The following SLC38A1 variants were observed in gnomAD, a reference collection of about 807,000 sequenced individuals.
SLC38A1 encodes solute carrier family 38 member 1.
Under a neutral mutation model 60.3 loss-of-function variants are expected in SLC38A1, and 18 were observed. The observed-to-expected ratio is 0.30, with a 90% confidence interval of 0.21 to 0.44. The LOEUF is 0.44. Among genes scored for constraint, SLC38A1 ranks in the 20% least tolerant of loss-of-function variants. The pLI is 1.00. For synonymous variants in SLC38A1, 196 were observed against 212.1 expected, an observed-to-expected ratio of 0.92 and a Z score of 0.66; for missense variants, 448 against 587.2, an observed-to-expected ratio of 0.76 and a Z score of 2.45.
rs144513513 is a variant in SLC38A1 at position 46,196,384 on chromosome 12, A to G, written c.1362+1336T>C. 2,564 of 1,426,748 alleles carry G rather than the reference A, an allele frequency of 1.8e-3. 48 individuals are homozygous for G. In the African/African-American group the frequency reaches 0.033, roughly 19 times the overall value. The allele number at this position is 1,426,748 out of a possible 1,614,324, so 88.4% of individuals were successfully genotyped here. ...CCTTACACAGATGGAACCCTTGTCT[A>G]ATGCCATTTGGAAGACCCTACTACT... is the stretch of plus-strand genomic sequence containing the variant. On this transcript the variant is annotated intron_variant, in intron 16 of 16. Transcript: ENST00000398637.
intron 2 of SLC38A1, among the ~76,000 whole-genome samples, chr12:46,241,256 C>T (rs1477337128): frequency 6.6e-6 from 1 of 152,176 alleles, no homozygotes; most frequent in Non-Finnish European, 1.5e-5. Context: ...AGGGTCAAAC[C>T]TCAATGCGCC....
At chr12:46,193,605 C>A (rs182315691) in intron 16 of SLC38A1, among the ~76,000 whole-genome samples, 153 of 152,284 alleles carry the variant, frequency 1.0e-3, no homozygotes, top group Non-Finnish European at 1.7e-3. Flanking sequence ...CTTTATGGAT[C>A]TGGGTGCTCC....
In SLC38A1 at chr12:46,206,095, G is replaced by C. The variant is rs1939884921; in HGVS notation, c.631C>G (p.Leu211Val). The C allele has an allele frequency of 6.2e-7, 1 of 1,609,862 alleles. No individual in the cohort carries two copies. Among genetic ancestry groups the C allele is most frequent in the African/African-American group, 1.3e-5 (1 of 74,854 alleles). ...CTGTCCTTACCTAAGTTCTTCAAGAGACACAGAGGGAGAATTATGCCAAAG... is the reference window on the plus strand; with the variant it reads ...CTGTCCTTACCTAAGTTCTTCAAGACACACAGAGGGAGAATTATGCCAAAG... ...VTFGIILPLC[L>V]LKNLGYLGYT... Residue 211 changes from leucine (L) to valine (V), a missense_variant, in exon 9 of 17, where the codon CTC becomes GTC. By Grantham distance (32) the Leu-to-Val change is conservative. This residue lies in a region of SLC38A1 where 346 missense variants were observed against 497.5 expected (regional missense o/e 0.70). Coordinates refer to ENST00000398637, the MANE Select transcript of SLC38A1 (RefSeq NM_030674.4).
rs1184805422 is a variant in SLC38A1 at position 46,268,953 on chromosome 12, G to A, written c.-636C>T. On this transcript the variant is annotated 5_prime_UTR_variant, in exon 1 of 17. Coordinates refer to ENST00000398637, the MANE Select transcript of SLC38A1 (RefSeq NM_030674.4). The surrounding 1 kb of genome is among the most constrained non-coding windows in gnomAD (Gnocchi z 4.4). ...CCCTTCCGCAACCATGGCTTGTGATGGTTTAACGCGGACAGGCCATTCCTC... is the reference window on the plus strand; with the variant it reads ...CCCTTCCGCAACCATGGCTTGTGATAGTTTAACGCGGACAGGCCATTCCTC... 2.2e-6 allele frequency: 1 copy of A among 447,918 alleles called. No homozygotes were observed. The highest frequency in any genetic ancestry group is 1.6e-5 in the South Asian group (1 of 63,430). 27.7% of individuals were successfully genotyped at this position (447,918 alleles called of 1,614,324 possible). A position where few individuals can be genotyped will look rare whatever the true frequency, so the allele number is the denominator to read the frequency against.
At chr12:46,250,962 T>C (rs1452811636) in intron 1 of SLC38A1, among the ~76,000 whole-genome samples, 2 of 152,188 alleles carry the variant, frequency 1.3e-5, no homozygotes, top group Non-Finnish European at 2.9e-5. Context: ...AAGCTACCAA[T>C]GACTTTCTTC....
chr12:46,215,773 C>T (rs1940382175), intron 5 of SLC38A1, among the ~76,000 whole-genome samples: 1 of 152,196 alleles, frequency 6.6e-6, no homozygotes. Context: ...TGTAATTCTT[C>T]CTCTTCTAGA....
At chr12:46,195,393 G>A (rs1939323840) in intron 16 of SLC38A1, among the ~76,000 whole-genome samples, 2 of 152,208 alleles carry the variant, frequency 1.3e-5, no homozygotes, top group Admixed American at 1.3e-4. Flanking sequence ...AGCTACATGG[G>A]GGTCAGGGAC....
At position 46,192,011 on chromosome 12, in the gene SLC38A1, G is replaced by C. The variant is rs529156935; in HGVS notation, c.1363-2940C>G. Among the ~76,000 whole-genome samples, 3 of 152,290 alleles carry C rather than the reference G, an allele frequency of 2.0e-5. No homozygotes were observed. In the South Asian group the frequency reaches 6.2e-4, roughly 32 times the overall value. ...AAGAGGGCATCCTTGTCTTGTGCCAGTTTTCAAAGGGAATGCTTTCAGTTT... is the reference window on the plus strand; with the variant it reads ...AAGAGGGCATCCTTGTCTTGTGCCACTTTTCAAAGGGAATGCTTTCAGTTT... On this transcript the variant is annotated intron_variant, in intron 16 of 16. Transcript: ENST00000398637.
chr12:46,200,382 T>C (rs544363767), intron 13 of SLC38A1, among the ~76,000 whole-genome samples: 54 of 151,902 alleles, frequency 3.6e-4, no homozygotes, highest in African/African-American at 1.3e-3. Context: ...TATATATATA[T>C]ATACACACAC....
intron 16 of SLC38A1, chr12:46,196,287 A>C (rs1939375431): frequency 6.5e-7 from 1 of 1,535,578 alleles, no homozygotes; most frequent in Non-Finnish European, 8.7e-7. Context: ...CTAAGGAAGG[A>C]GAGGAGCAAA....
intron 5 of SLC38A1, among the ~76,000 whole-genome samples, chr12:46,224,231 C>G (rs1592111412): frequency 6.6e-6 from 1 of 152,258 alleles, no homozygotes; most frequent in East Asian, 1.9e-4. Flanking sequence ...TGACTTGCAG[C>G]CTCAGGGTCC....
At chr12:46,236,897 C>T (rs1485735872) in intron 3 of SLC38A1, among the ~76,000 whole-genome samples, 1 of 152,170 alleles carries the variant, frequency 6.6e-6, no homozygotes, top group African/African-American at 2.4e-5. Flanking sequence ...CATTAAAACA[C>T]CAGTTGGCAG....
At chr12:46,202,937 T>A in intron 12 of SLC38A1, 73 bp downstream of exon 12, 1 of 1,166,426 alleles carries the variant, frequency 8.6e-7, no homozygotes, top group Non-Finnish European at 1.3e-6. Flanking sequence ...AGTCCGTTTA[T>A]TTTAATTGCA....
rs1393016834 is a variant in SLC38A1 at position 46,188,589 on chromosome 12, A to C, written c.*381T>G. 4 of 160,418 alleles carry C rather than the reference A, an allele frequency of 2.5e-5. No homozygotes were observed. Among genetic ancestry groups the C allele is most frequent in the African/African-American group, 9.6e-5 (4 of 41,640 alleles). The allele number at this position is 160,418 out of a possible 1,614,324, so 9.9% of individuals were successfully genotyped here. ...GTACAGATAGTGTGAGCTGAACATC[A>C]GTAGGAAAATTATTTCAGAATCTGG... On this transcript the variant is annotated 3_prime_UTR_variant, in exon 17 of 17. Transcript: ENST00000398637.
intron 1 of SLC38A1, among the ~76,000 whole-genome samples, chr12:46,252,292 AC>A (rs1418659476): frequency 3.3e-5 from 5 of 152,178 alleles, no homozygotes; most frequent in Non-Finnish European, 5.9e-5. Context: ...AACAATGAGA[AC>A]AGTTGGACAC....
At chr12:46,264,699 T>C (rs946534585) in intron 1 of SLC38A1, among the ~76,000 whole-genome samples, 14 of 152,172 alleles carry the variant, frequency 9.2e-5, no homozygotes, top group African/African-American at 2.9e-4. Context: ...AATCTGAGAC[T>C]TTAGTGCACT....
intron 15 of SLC38A1, 23 bp downstream of exon 15, chr12:46,197,896 A>T (rs1190775294): frequency 1.2e-6 from 2 of 1,611,170 alleles, no homozygotes; most frequent in Non-Finnish European, 1.7e-6. Context: ...TAGAATGACA[A>T]GCACAAAGTC....
chr12:46,255,762 C>T (rs1254029834), intron 1 of SLC38A1, among the ~76,000 whole-genome samples: 2 of 152,194 alleles, frequency 1.3e-5, no homozygotes, highest in Non-Finnish European at 2.9e-5. Context: ...CAGATAAGGA[C>T]TGACTTTTTC....
chr12:46,265,023 G>A (rs1332396693), intron 1 of SLC38A1, among the ~76,000 whole-genome samples: 3 of 152,132 alleles, frequency 2.0e-5, no homozygotes, highest in African/African-American at 7.2e-5. Flanking sequence ...AGAGGTAAAG[G>A]GAACTTTACT....
Sources: allele counts gnomAD v4.1 joint callset (sites outside exome capture counted in the v4.1 genomes callset), GRCh38; gene constraint gnomAD v4.1.1; regional missense constraint gnomAD v4.1.1; non-coding constraint Gnocchi (gnomAD v3.1); transcripts MANE v1.5; gene names NCBI Gene and HGNC (gene_info 2026-07-23, HGNC 2026-07-21).